ROBO1: variants seen among roughly 807,000 people sequenced by gnomAD.
The protein encoded by ROBO1 is roundabout guidance receptor 1.
Under a neutral mutation model 195.9 loss-of-function variants are expected in ROBO1, and 149 were observed. That is an observed-to-expected ratio of 0.76 (90% CI 0.67 to 0.87). ROBO1 has a LOEUF of 0.87. Ranked by LOEUF, ROBO1 falls within the 40% of genes least tolerant of loss-of-function variation. The pLI is 0.00. For synonymous variants in ROBO1, 816 were observed against 733.2 expected (o/e 1.11, Z -1.82); for missense variants, 1,933 against 2,068.3 (o/e 0.93, Z 1.27).
At chr3:79,673,554 C>CT (rs1168596551) in intron 1 of ROBO1, among the ~76,000 whole-genome samples, 1 of 151,788 alleles carries the variant, frequency 6.6e-6, no homozygotes, top group Non-Finnish European at 1.5e-5. Context: ...TTAGAAAGCC[C>CT]TTTTTGTGTG....
intron 2 of ROBO1, among the ~76,000 whole-genome samples, chr3:79,420,690 C>G (rs1427134822): frequency 6.6e-6 from 1 of 152,074 alleles, no homozygotes; most frequent in African/African-American, 2.4e-5. Context: ...GCACCTGACC[C>G]TTGAGGTTGG....
chr3:79,196,274 CTT>C (rs555402658), intron 2 of ROBO1, among the ~76,000 whole-genome samples: 47 of 111,578 alleles, frequency 4.2e-4, no homozygotes, highest in East Asian at 1.8e-3. Context: ...AGAAGAGTTT[CTT>C]TTTTTTTTTT....
intron 2 of ROBO1, among the ~76,000 whole-genome samples, chr3:79,372,188 C>T (rs534892251): frequency 6.7e-6 from 1 of 148,720 alleles, no homozygotes; most frequent in Admixed American, 6.8e-5. Flanking sequence ...TGTTGGGGAC[C>T]CCTGTTCTAG....
intron 2 of ROBO1, among the ~76,000 whole-genome samples, chr3:79,455,011 C>A (rs1173095690): frequency 6.6e-6 from 1 of 152,036 alleles, no homozygotes; most frequent in East Asian, 1.9e-4. Context: ...TTCTAAGTAC[C>A]TTACTTCTCA....
At chr3:79,033,012 A>G (rs1195447936) in intron 3 of ROBO1, among the ~76,000 whole-genome samples, 1 of 152,090 alleles carries the variant, frequency 6.6e-6, no homozygotes, top group African/African-American at 2.4e-5. Context: ...AAAACAATAT[A>G]TTAGAGTGGT....
chr3:78,600,084 T>C (rs748550301), intron 30 of ROBO1, 29 bp downstream of exon 30: 1 of 1,564,968 alleles, frequency 6.4e-7, no homozygotes, highest in South Asian at 1.1e-5. Context: ...AGTCTAACAT[T>C]GGTAAACTTG....
chr3:78,643,303 C>T (rs1160141791), intron 21 of ROBO1, among the ~76,000 whole-genome samples: 1 of 152,164 alleles, frequency 6.6e-6, no homozygotes, highest in Non-Finnish European at 1.5e-5. Flanking sequence ...ACTTTATTTA[C>T]AAAAACAGGT....
In ROBO1 at chr3:78,820,712, G is replaced by A. The variant is rs11919275; in HGVS notation, c.500-73812C>T. ...TCATGCCAATAACCTCAGCTAGTCC[G>A]AGAAGCCTCACATACTAGTCTGTAA... is the stretch of plus-strand genomic sequence containing the variant. On this transcript the variant is annotated intron_variant, in intron 4 of 30. Transcript: ENST00000464233. Among the ~76,000 whole-genome samples the A allele has an allele frequency of 9.6e-3, 1,467 of 152,204 alleles. 23 individuals carry two copies. The highest frequency in any genetic ancestry group is 0.034 in the African/African-American group (1,392 of 41,526).
intron 1 of ROBO1, among the ~76,000 whole-genome samples, chr3:79,630,878 A>G (rs1255231363): frequency 7.0e-6 from 1 of 142,074 alleles, no homozygotes; most frequent in Admixed American, 6.8e-5. Flanking sequence ...TCCCATTTAC[A>G]CACACGCACA....
At chr3:79,461,171 T>G (rs1360044142) in intron 2 of ROBO1, among the ~76,000 whole-genome samples, 1 of 152,142 alleles carries the variant, frequency 6.6e-6, no homozygotes, top group Non-Finnish European at 1.5e-5. Context: ...TTATTGGCAA[T>G]TATCGAATCA....
chr3:79,355,198 C>A (rs978862353), intron 2 of ROBO1, among the ~76,000 whole-genome samples: 2 of 151,546 alleles, frequency 1.3e-5, no homozygotes, highest in East Asian at 3.9e-4. Context: ...AAAAAAAAAA[C>A]CATGCAAATG....
At chr3:78,630,547 G>GT (rs1705118538) in intron 25 of ROBO1, among the ~76,000 whole-genome samples, 1 of 152,082 alleles carries the variant, frequency 6.6e-6, no homozygotes, top group Non-Finnish European at 1.5e-5. Flanking sequence ...CCTTAAAGGA[G>GT]TTTTCCCCCT....
In ROBO1 at chr3:79,173,366, C is replaced by T. The variant is rs368851272; in HGVS notation, c.89-47827G>A. Reference sequence around the variant, plus strand: ...GAGGCGCGAGTGGGAACCAGGGCTGCGCGCGGTGCTTGCAGGCCAGCGCGA... The same window carrying T: ...GAGGCGCGAGTGGGAACCAGGGCTGTGCGCGGTGCTTGCAGGCCAGCGCGA... On this transcript the variant is annotated intron_variant, in intron 2 of 30. Transcript: ENST00000464233. Among the ~76,000 whole-genome samples the T allele has an allele frequency of 3.1e-4, 47 of 152,216 alleles. No individual in the cohort carries two copies. The East Asian group carries it at 4.1e-3, about 13-fold the overall frequency.
At chr3:79,725,840 A>G (rs1193050399) in intron 1 of ROBO1, among the ~76,000 whole-genome samples, 1 of 152,126 alleles carries the variant, frequency 6.6e-6, no homozygotes, top group East Asian at 1.9e-4. Context: ...CTATACCAGG[A>G]CAGGTTAAGG....
At chr3:79,127,022 A>AT (rs1165936894) in intron 2 of ROBO1, among the ~76,000 whole-genome samples, 2 of 151,768 alleles carry the variant, frequency 1.3e-5, no homozygotes, top group African/African-American at 4.8e-5. Context: ...AAAAAAAAAA[A>AT]GTTAAGATCT....
intron 2 of ROBO1, among the ~76,000 whole-genome samples, chr3:79,298,996 A>G (rs2032742321): frequency 6.6e-6 from 1 of 152,288 alleles, no homozygotes; most frequent in South Asian, 2.1e-4. Flanking sequence ...CTTTGAGATC[A>G]TTGTATTGAG....
intron 3 of ROBO1, among the ~76,000 whole-genome samples, chr3:79,095,191 A>C (rs1225021707): frequency 6.6e-6 from 1 of 151,946 alleles, no homozygotes; most frequent in Non-Finnish European, 1.5e-5. Context: ...TAGGTATGCA[A>C]ATTTTTTGAT....
Position 79,018,087 on chromosome 3 carries a change from C to T in ROBO1, c.173-79160G>A, listed in dbSNP as rs142204693. On this transcript the variant is annotated intron_variant, in intron 3 of 30. Coordinates refer to ENST00000464233, the MANE Select transcript of ROBO1 (RefSeq NM_002941.4). ...CTGGGGGCCCTAGCTCACTGCCAGC[C>T]GCTGCCTCCTCCCACCCTAGTGCTT... is the stretch of plus-strand genomic sequence containing the variant. 5.9e-3 allele frequency among the ~76,000 whole-genome samples: 893 copies of T among 152,246 alleles called. 7 individuals are homozygous for T. Among genetic ancestry groups the T allele is most frequent in the African/African-American group, 0.02 (839 of 41,546 alleles).
intron 2 of ROBO1, among the ~76,000 whole-genome samples, chr3:79,189,742 G>A (rs2108752688): frequency 6.6e-6 from 1 of 151,828 alleles, no homozygotes; most frequent in Admixed American, 6.6e-5. Context: ...TAGTACACTT[G>A]TAACCTATTT....
Sources: allele counts gnomAD v4.1 joint callset (sites outside exome capture counted in the v4.1 genomes callset), GRCh38; gene constraint gnomAD v4.1.1; transcripts MANE v1.5; gene names NCBI Gene and HGNC (gene_info 2026-07-23, HGNC 2026-07-21).